SLC35E4: variants seen among roughly 807,000 people sequenced by gnomAD.
SLC35E4 encodes solute carrier family 35 member E4.
Under a neutral mutation model 19.3 loss-of-function variants are expected in SLC35E4, and 15 were observed. That is an observed-to-expected ratio of 0.78 (90% CI 0.52 to 1.20). The LOEUF is 1.20. Among genes scored for constraint, SLC35E4 ranks in the 50% most tolerant of loss-of-function variants. The pLI, the probability that SLC35E4 is intolerant of heterozygous loss-of-function variation, is 0.00. For missense variants in SLC35E4, 406 were observed against 472.3 expected, an observed-to-expected ratio of 0.86 and a Z score of 1.30; for synonymous variants, 219 against 219.9, an observed-to-expected ratio of 1.00 and a Z score of 0.04.
downstream of SLC35E4, among the ~76,000 whole-genome samples, chr22:30,666,415 G>A (rs1405247084): frequency 2.6e-5 from 4 of 152,094 alleles, no homozygotes; most frequent in African/African-American, 9.7e-5. Context: ...GAGGTCAGGA[G>A]TTCAAGACCA....
At chr22:30,654,562 C>G (rs2088295049) in intron 2 of SLC35E4, 9 of 448,656 alleles carry the variant, frequency 2.0e-5, no homozygotes, top group Non-Finnish European at 3.1e-5. Context: ...GCCTCGGGGT[C>G]CGCCAGAAGA....
Position 30,636,723 on chromosome 22 carries a change from C to A in SLC35E4, c.273C>A (p.Ala91=). Residue 91 remains alanine, a synonymous_variant, in exon 1 of 2, where the codon GCC becomes GCA. Coordinates refer to ENST00000343605, the MANE Select transcript of SLC35E4 (RefSeq NM_001001479.4). ...CGGCCCTGCACATGCTGGTGGCAGC[C>A]CTGGCATGCCACCGGGGGGCACGGC... is the stretch of plus-strand genomic sequence containing the variant. The part of the protein sequence containing the change: ...LLSALHMLVA[A]LACHRGARRP... The A allele has an allele frequency of 6.2e-7, 1 of 1,611,866 alleles. No individual in the cohort carries two copies.
intron 2 of SLC35E4, among the ~76,000 whole-genome samples, chr22:30,660,232 C>A (rs1296442154): frequency 6.6e-6 from 1 of 152,158 alleles, no homozygotes; most frequent in African/African-American, 2.4e-5. Flanking sequence ...TTGTTTTAAG[C>A]CACTAAGTTT....
chr22:30,651,299 C>A (rs941858019), downstream of SLC35E4, among the ~76,000 whole-genome samples: 1 of 148,926 alleles, frequency 6.7e-6, no homozygotes, highest in African/African-American at 2.5e-5. Context: ...CTCCCAGGTT[C>A]AAGTGATTCT....
chr22:30,656,348 T>C (rs1415566443), intron 2 of SLC35E4, among the ~76,000 whole-genome samples: 1 of 152,138 alleles, frequency 6.6e-6, no homozygotes, highest in East Asian at 1.9e-4. Flanking sequence ...AAGAGCTACC[T>C]GCCCCTGGGA....
At chr22:30,641,894 A>G (rs1011930093) in intron 1 of SLC35E4, among the ~76,000 whole-genome samples, 1 of 152,002 alleles carries the variant, frequency 6.6e-6, no homozygotes, top group Non-Finnish European at 1.5e-5. Context: ...AGCTGATCTC[A>G]TAGACTGGTT....
downstream of SLC35E4, among the ~76,000 whole-genome samples, chr22:30,666,387 G>A (rs1477090454): frequency 4.6e-5 from 7 of 152,080 alleles, no homozygotes; most frequent in Non-Finnish European, 8.8e-5. Context: ...TTGGAAGGCC[G>A]AGGCGGGCAG....
At chr22:30,663,323 C>A, downstream of SLC35E4, 1 of 1,031,168 alleles carries the variant, frequency 9.7e-7, no homozygotes, top group South Asian at 1.7e-5. Flanking sequence ...TCATAAAAGG[C>A]ATCATCTGTT....
downstream of SLC35E4, among the ~76,000 whole-genome samples, chr22:30,648,717 C>T (rs950321238): frequency 2.0e-5 from 3 of 152,036 alleles, no homozygotes; most frequent in Non-Finnish European, 2.9e-5. Context: ...CCAACAAGAC[C>T]GAAACTCCAT....
chr22:30,639,552 A>G (rs1245445360), intron 1 of SLC35E4, among the ~76,000 whole-genome samples: 1 of 152,152 alleles, frequency 6.6e-6, no homozygotes, highest in Non-Finnish European at 1.5e-5. Context: ...TTTCATCCCT[A>G]CAGCTTCGAC....
chr22:30,663,724 C>G (rs1189185065), downstream of SLC35E4: 1 of 1,614,216 alleles, frequency 6.2e-7, no homozygotes. Flanking sequence ...TGCTTCATCT[C>G]CACGCTGTGG....
rs1215914275 is a variant in SLC35E4, at chr22:30,636,579, G to A, written c.129G>A (p.Gln43=). ...CTGGCAGCCCTCAGGCCCTCCGGCA[G>A]CCTGGCCGGGCCCGAGTGGCCATGG... The part of the protein sequence containing the change: ...WPPGSPQALR[Q]PGRARVAMAA... The change falls in exon 1 of 2, where the codon CAG becomes CAA. Residue 43 remains glutamine (Q), a synonymous_variant. Coordinates refer to ENST00000343605, the MANE Select transcript of SLC35E4 (RefSeq NM_001001479.4). 1 of 1,592,910 alleles carries A rather than the reference G, an allele frequency of 6.3e-7. No homozygotes were observed. The highest frequency in any genetic ancestry group is 2.3e-5 in the East Asian group (1 of 43,320).
At chr22:30,643,205 G>A (rs2088074863) in intron 1 of SLC35E4, among the ~76,000 whole-genome samples, 1 of 152,194 alleles carries the variant, frequency 6.6e-6, no homozygotes, top group Admixed American at 6.5e-5. Context: ...AGCCTGCTGA[G>A]CTTGCTCTCA....
At chr22:30,658,074 C>A (rs1465425935) in intron 2 of SLC35E4, among the ~76,000 whole-genome samples, 17 of 151,466 alleles carry the variant, frequency 1.1e-4, no homozygotes, top group Non-Finnish European at 2.1e-4. Flanking sequence ...ACCACAGTAT[C>A]TAGCCTGGGC....
chr22:30,660,873 T>A (rs1430628531), intron 2 of SLC35E4, among the ~76,000 whole-genome samples: 1 of 151,080 alleles, frequency 6.6e-6, no homozygotes, highest in Admixed American at 6.6e-5. Context: ...GGAGTCTTGC[T>A]CTGTTGCCCA....
Position 30,654,355 on chromosome 22 carries a change from GTCACTGTCTGGTACTTCCAGCCAACTT to G in SLC35E4, c.*8+5104_*8+5130del, listed in dbSNP as rs1569063802. 8.6e-6 allele frequency: 4 copies of G among 463,830 alleles called. No homozygotes were observed. In the Admixed American group the frequency reaches 9.3e-5, roughly 11 times the overall value. 28.7% of individuals were successfully genotyped at this position (463,830 alleles called of 1,614,324 possible). A position where few individuals can be genotyped will look rare whatever the true frequency, so the allele number is the denominator to read the frequency against. Reference sequence around the variant, plus strand: ...CTTCCTCTTCTCCTCCAGGGTGGCTGTCACTGTCTGGTACTTCCAGCCAACTTTGTGATCCAGCTGCCCCAGGTAGGC... The same window carrying G: ...CTTCCTCTTCTCCTCCAGGGTGGCTGTGTGATCCAGCTGCCCCAGGTAGGC... On this transcript the variant is annotated intron_variant, in intron 2 of 2. Coordinates refer to the SLC35E4 transcript ENST00000406566.
chr22:30,647,394 T>G lies in SLC35E4; in HGVS notation c.*363T>G. ...CAGCCTGGGAGACAGAGCGAGACGC[T>G]GTCTCAATTAAAAAAAAAAAAAAGT... is the stretch of plus-strand genomic sequence containing the variant. On this transcript the variant is annotated 3_prime_UTR_variant, in exon 2 of 2. Coordinates refer to ENST00000343605, the MANE Select transcript of SLC35E4 (RefSeq NM_001001479.4). 3 of 145,376 alleles carry G rather than the reference T, an allele frequency of 2.1e-5. No individual in the cohort carries two copies. Among genetic ancestry groups the G allele is most frequent in the Non-Finnish European group, 2.6e-5 (2 of 76,000 alleles). 9.0% of individuals were successfully genotyped at this position (145,376 alleles called of 1,614,324 possible).
chr22:30,639,316 A>G (rs1039123919), intron 1 of SLC35E4, among the ~76,000 whole-genome samples: 8 of 152,178 alleles, frequency 5.3e-5, no homozygotes, highest in Non-Finnish European at 1.2e-4. Context: ...CGTGCTTCAC[A>G]AGGTAATAGA....
chr22:30,656,234 C>G, intron 2 of SLC35E4, among the ~76,000 whole-genome samples: 1 of 152,000 alleles, frequency 6.6e-6, no homozygotes, highest in South Asian at 2.1e-4. Context: ...GCCTCAGCCA[C>G]CCAAAGGGCT....
Sources: gnomAD v4.1 joint callset for allele counts (sites outside exome capture counted in the v4.1 genomes callset) on GRCh38, gnomAD v4.1.1 for gene constraint, MANE v1.5 for transcripts, NCBI Gene and HGNC (gene_info 2026-07-23, HGNC 2026-07-21) for gene names.